Variants in PHKB observed in about 807,000 individuals in gnomAD.
PHKB encodes phosphorylase b kinase regulatory subunit beta.
PHKB carries 122 observed loss-of-function variants against 152.1 expected under a neutral mutation model. The ratio of observed to expected loss-of-function variants is 0.80; its 90% confidence interval spans 0.69 to 0.93. The LOEUF (loss-of-function observed/expected upper bound fraction) is 0.93, where lower values mean the gene tolerates loss of function less well. Ranked by LOEUF, PHKB falls within the 40% of genes least tolerant of loss-of-function variation. The pLI is 0.00. For missense variants in PHKB, 1,304 were observed against 1,328.4 expected (o/e 0.98, Z 0.29); for synonymous variants, 436 against 464.9 (o/e 0.94, Z 0.80).
intron 23 of PHKB, among the ~76,000 whole-genome samples, chr16:47,662,400 A>G (rs1261978076): frequency 6.6e-6 from 1 of 152,220 alleles, no homozygotes; most frequent in Non-Finnish European, 1.5e-5. Context: ...ACATTTTATA[A>G]TACAGAATAA....
chr16:47,588,805 C>T (rs1971978235), intron 9 of PHKB, 100 bp from the exon 10 acceptor site: 1 of 994,088 alleles, frequency 1.0e-6, no homozygotes, highest in Admixed American at 1.8e-5. Flanking sequence ...TCACTTTTGA[C>T]TGCATAACCT....
At chr16:47,568,971 G>A (rs1432637669) in intron 7 of PHKB, among the ~76,000 whole-genome samples, 1 of 152,130 alleles carries the variant, frequency 6.6e-6, no homozygotes, top group Non-Finnish European at 1.5e-5. Context: ...TGTTCCATGT[G>A]CTGATGAGAA....
Position 47,617,585 on chromosome 16 carries a change from A to G in PHKB, c.1458+6665A>G, listed in dbSNP as rs867789739. Among the ~76,000 whole-genome samples, 7 of 152,164 alleles carry G rather than the reference A, an allele frequency of 4.6e-5. No individual in the cohort carries two copies. The South Asian group carries it at 1.0e-3, about 23-fold the overall frequency. On this transcript the variant is annotated intron_variant, in intron 14 of 30. Coordinates refer to ENST00000323584, the MANE Select transcript of PHKB (RefSeq NM_000293.3). ...GCTTATTTCATTAAGCATAATTTCC[A>G]TACTAATGTTTGTGTGTTTCATTAA... is the stretch of plus-strand genomic sequence containing the variant.
intron 26 of PHKB, among the ~76,000 whole-genome samples, chr16:47,679,782 C>T (rs1032310716): frequency 4.6e-4 from 70 of 152,110 alleles, no homozygotes; most frequent in Non-Finnish European, 2.9e-5. Context: ...GCCTAATTGC[C>T]CTGGCCAGAA....
At chr16:47,658,989 C>T (rs372957155) in intron 20 of PHKB, among the ~76,000 whole-genome samples, 6 of 152,140 alleles carry the variant, frequency 3.9e-5, no homozygotes, top group African/African-American at 9.7e-5. Context: ...ATTTGTCTAA[C>T]AAATCATTTA....
At chr16:47,552,662 A>G (rs1158767930) in intron 7 of PHKB, among the ~76,000 whole-genome samples, 2 of 152,038 alleles carry the variant, frequency 1.3e-5, no homozygotes, top group African/African-American at 4.8e-5. Flanking sequence ...TACAAAAATT[A>G]GCCGAGTGTG....
chr16:47,514,973 C>T (rs987328749), intron 5 of PHKB, among the ~76,000 whole-genome samples: 1 of 152,058 alleles, frequency 6.6e-6, no homozygotes, highest in Non-Finnish European at 1.5e-5. Flanking sequence ...CAGTTGTTTA[C>T]AGAAATTCTG....
chr16:47,550,681 T>C (rs1314944874), intron 7 of PHKB, among the ~76,000 whole-genome samples: 1 of 152,188 alleles, frequency 6.6e-6, no homozygotes, highest in Non-Finnish European at 1.5e-5. Flanking sequence ...TTTTGTTGGT[T>C]GGTAGGCTTT....
chr16:47,493,945 T>A (rs961336500), intron 1 of PHKB, among the ~76,000 whole-genome samples: 2 of 152,254 alleles, frequency 1.3e-5, no homozygotes, highest in Admixed American at 6.5e-5. Flanking sequence ...GAATAACAAA[T>A]GAAACTCTTG....
intron 1 of PHKB, among the ~76,000 whole-genome samples, chr16:47,483,836 C>T (rs572115786): frequency 3.3e-4 from 51 of 152,286 alleles, no homozygotes; most frequent in Non-Finnish European, 4.9e-4. Flanking sequence ...GTTTAGACAT[C>T]AGAGTATAGT....
rs139738333 is a variant in PHKB, at chr16:47,515,525, A to G, written c.518A>G (p.Asn173Ser). 2.4e-3 allele frequency: 3,302 copies of G among 1,386,756 alleles called. 9 individuals are homozygous for G. Among genetic ancestry groups the G allele is most frequent in the Non-Finnish European group, 3.0e-3 (2,898 of 973,152 alleles). 85.9% of individuals were successfully genotyped at this position (1,386,756 alleles called of 1,614,324 possible). ...TAATGTTTCTGTTTGTTGCAGATAA[A>G]TGCAGTGTCACTTTATCTCCTTTAC... ...SYEEYGHLQI[N>S]AVSLYLLYLV... is the part of the protein sequence containing the mutation. The change falls in exon 6 of 31, where the codon AAT becomes AGT. Residue 173 changes from asparagine to serine, a missense_variant. Physicochemically the swap from Asn to Ser is conservative, Grantham distance 46. Transcript: ENST00000323584.
chr16:47,630,441 T>C (rs1972806266), intron 14 of PHKB, among the ~76,000 whole-genome samples: 1 of 151,408 alleles, frequency 6.6e-6, no homozygotes, highest in Admixed American at 6.6e-5. Flanking sequence ...GAGATTTCGC[T>C]GCTGCACTCC....
rs372274761 is a variant in PHKB, at chr16:47,689,513, C to T, written c.2765+338C>T. ...CTTTGTGGCACTCACCATCTCCTCC[C>T]AGCATTTTGGCAGATAGGATTGGGT... On this transcript the variant is annotated intron_variant, in intron 27 of 30. Transcript: ENST00000323584. Among the ~76,000 whole-genome samples, 19 of 152,272 alleles carry T rather than the reference C, an allele frequency of 1.2e-4. No homozygotes were observed. The East Asian group carries it at 1.4e-3, about 11-fold the overall frequency.
At chr16:47,541,220 C>A (rs1024827013) in intron 6 of PHKB, among the ~76,000 whole-genome samples, 1 of 152,088 alleles carries the variant, frequency 6.6e-6, no homozygotes, top group Non-Finnish European at 1.5e-5. Flanking sequence ...TTGTTCAATT[C>A]GCACCTATGA....
Position 47,627,635 on chromosome 16 carries a change from A to G in PHKB, c.1459-13400A>G, listed in dbSNP as rs113143452. Among the ~76,000 whole-genome samples, 113 of 152,340 alleles carry G rather than the reference A, an allele frequency of 7.4e-4. 2 individuals are homozygous for G. Among genetic ancestry groups the G allele is most frequent in the African/African-American group, 2.5e-3 (105 of 41,568 alleles). ...TATATAATCACTAATCCAATATATA[A>G]ATACACAGAGCCTAAAGGACCATTT... On this transcript the variant is annotated intron_variant, in intron 14 of 30. Coordinates refer to ENST00000323584, the MANE Select transcript of PHKB (RefSeq NM_000293.3).
intron 14 of PHKB, among the ~76,000 whole-genome samples, chr16:47,615,344 G>C (rs200568759): frequency 6.6e-6 from 1 of 152,146 alleles, no homozygotes; most frequent in Non-Finnish European, 1.5e-5. Flanking sequence ...GCCGTCTGGG[G>C]CTTCTTTGTT....
chr16:47,683,607 T>C (rs367559304), intron 26 of PHKB, among the ~76,000 whole-genome samples: 1 of 152,150 alleles, frequency 6.6e-6, no homozygotes, highest in Non-Finnish European at 1.5e-5. Context: ...TTTAAGCCCA[T>C]TGGAAAAGCG....
intron 7 of PHKB, among the ~76,000 whole-genome samples, chr16:47,549,655 A>G (rs940398679): frequency 3.9e-5 from 6 of 152,126 alleles, no homozygotes; most frequent in Non-Finnish European, 8.8e-5. Context: ...AGATCGTGCC[A>G]CTGCACTCCA....
At chr16:47,610,782 T>C (rs762460863) in intron 13 of PHKB, 44 bp from the exon 14 acceptor site, 11 of 1,067,320 alleles carry the variant, frequency 1.0e-5, no homozygotes, top group Non-Finnish European at 1.5e-5. Flanking sequence ...TATAGTGTTA[T>C]GCAAATGCAT....
Sources: gnomAD v4.1 joint callset for allele counts (sites outside exome capture counted in the v4.1 genomes callset) on GRCh38, gnomAD v4.1.1 for gene constraint, MANE v1.5 for transcripts, NCBI Gene and HGNC (gene_info 2026-07-23, HGNC 2026-07-21) for gene names.